LRP12: variants seen among roughly 807,000 people sequenced by gnomAD.
LRP12 encodes low-density lipoprotein receptor-related protein 12.
A neutral mutation model predicts 66.0 loss-of-function variants in LRP12; 14 were observed. That is an observed-to-expected ratio of 0.21 (90% CI 0.14 to 0.33). The LOEUF is 0.33. Among genes scored for constraint, LRP12 ranks in the 10% least tolerant of loss-of-function variants. The probability of loss-of-function intolerance (pLI) is 1.00; values close to 1 mark genes in which losing one functional copy is unlikely to be tolerated. For synonymous variants in LRP12, 357 were observed against 359.1 expected, an observed-to-expected ratio of 0.99 and a Z score of 0.07; for missense variants, 889 against 1,053.4, an observed-to-expected ratio of 0.84 and a Z score of 2.16.
rs530087482 is a variant in LRP12 at position 104,510,841 on chromosome 8, C to T, written c.137-1767G>A. On this transcript the variant is annotated intron_variant, in intron 2 of 6. Coordinates refer to ENST00000276654, the MANE Select transcript of LRP12 (RefSeq NM_013437.5). The stretch of plus-strand genomic sequence containing the variant: ...AAAAGGTAAGACTGTTGTATTATAT[C>T]ATCATAATAAATTAATATTCATACT... Among the ~76,000 whole-genome samples the T allele has an allele frequency of 1.4e-4, 21 of 151,950 alleles. No homozygotes were observed. The South Asian group carries it at 1.7e-3, about 12-fold the overall frequency.
At chr8:104,573,412 A>G (rs1812112489) in intron 1 of LRP12, among the ~76,000 whole-genome samples, 1 of 152,140 alleles carries the variant, frequency 6.6e-6, no homozygotes, top group Non-Finnish European at 1.5e-5. Context: ...TCCTGCCTTC[A>G]GATGTGAGTT....
intron 1 of LRP12, among the ~76,000 whole-genome samples, chr8:104,551,006 T>TA: frequency 6.6e-6 from 1 of 152,146 alleles, no homozygotes; most frequent in Non-Finnish European, 1.5e-5. Flanking sequence ...TTCCATGTGT[T>TA]AAGAGTCTCT....
chr8:104,563,097 G>A (rs1473682471), intron 1 of LRP12, among the ~76,000 whole-genome samples: 1 of 152,106 alleles, frequency 6.6e-6, no homozygotes, highest in Admixed American at 6.5e-5. Flanking sequence ...TGCTATCTTG[G>A]TTCAAATCCT....
intron 1 of LRP12, among the ~76,000 whole-genome samples, chr8:104,569,004 CA>C (rs1395099473): frequency 6.6e-6 from 1 of 152,110 alleles, no homozygotes; most frequent in Non-Finnish European, 1.5e-5. Context: ...ATAATAGTCC[CA>C]AAGTGCAAAT....
At chr8:104,505,195 T>A (rs1433651729) in intron 3 of LRP12, 2 of 151,942 alleles carry the variant, frequency 1.3e-5, no homozygotes, top group Admixed American at 1.3e-4. Context: ...GTTTTTTGTA[T>A]TTTTTGTAAA....
chr8:104,497,391 C>T lies in LRP12; in HGVS notation c.1161G>A (p.Gly387=), dbSNP rs749707470. The change falls in exon 5 of 7, where the codon GGG becomes GGA. Residue 387 remains glycine (G), a synonymous_variant. Coordinates refer to ENST00000276654, the MANE Select transcript of LRP12 (RefSeq NM_013437.5). The surrounding 1 kb of genome is among the most constrained non-coding windows in gnomAD (Gnocchi z 4.3). The part of the protein sequence containing the change: ...PWEIPCGGNW[G]CYTEQQRCDG... ...CACAACGCTGCTGCTCAGTATAACA[C>T]CCCCAGTTACCTCCACAGGGTATTT... is the stretch of plus-strand genomic sequence containing the variant. 2 of 1,613,898 alleles carry T rather than the reference C, an allele frequency of 1.2e-6. No homozygotes were observed. The highest frequency in any genetic ancestry group is 1.7e-6 in the Non-Finnish European group (2 of 1,179,912).
chr8:104,570,749 T>A (rs530796665), intron 1 of LRP12, among the ~76,000 whole-genome samples: 1 of 152,118 alleles, frequency 6.6e-6, no homozygotes, highest in South Asian at 2.1e-4. Context: ...AAAAAACAAC[T>A]CATTAAAAAA....
chr8:104,548,308 AT>A (rs1564142107), intron 1 of LRP12, among the ~76,000 whole-genome samples: 33 of 37,578 alleles, frequency 8.8e-4, no homozygotes, highest in Admixed American at 1.5e-3. Context: ...TATAATATAT[AT>A]TATATAAATA....
intron 1 of LRP12, among the ~76,000 whole-genome samples, chr8:104,552,733 C>T (rs1811747989): frequency 6.6e-6 from 1 of 152,050 alleles, no homozygotes; most frequent in Non-Finnish European, 1.5e-5. Context: ...AAATGGTGCA[C>T]AGGAGGCAGG....
intron 3 of LRP12, 88 bp downstream of exon 3, chr8:104,508,851 T>C: frequency 8.2e-7 from 1 of 1,219,320 alleles, no homozygotes; most frequent in Admixed American, 2.3e-5. Flanking sequence ...GCCTTCTTTT[T>C]ATATTACTGC....
intron 1 of LRP12, among the ~76,000 whole-genome samples, chr8:104,557,469 C>T (rs1811828234): frequency 1.3e-5 from 2 of 151,818 alleles, no homozygotes; most frequent in Non-Finnish European, 2.9e-5. Context: ...ATCAGTAGCA[C>T]CACTATACAC....
At position 104,490,651 on chromosome 8, in the gene LRP12, A is replaced by T. The variant is rs766774156; in HGVS notation, c.*22T>A. The T allele has an allele frequency of 7.7e-6, 12 of 1,566,342 alleles. No individual in the cohort carries two copies. Among genetic ancestry groups the T allele is most frequent in the Non-Finnish European group, 6.0e-6 (7 of 1,158,610 alleles). On this transcript the variant is annotated 3_prime_UTR_variant, in exon 7 of 7. Coordinates refer to ENST00000276654, the MANE Select transcript of LRP12 (RefSeq NM_013437.5). ...TGGATATTGCTCCAACTTGTATACA[A>T]TCTCCCTTATGTGATTCGTACCTAA...
At chr8:104,521,625 A>C (rs930062593) in intron 2 of LRP12, among the ~76,000 whole-genome samples, 7 of 151,492 alleles carry the variant, frequency 4.6e-5, no homozygotes, top group South Asian at 4.1e-4. Context: ...ATATATATAT[A>C]TCAAGAATTT....
rs533562902 is a variant in LRP12 at position 104,588,622 on chromosome 8, G to A, written c.79+197C>T. On this transcript the variant is annotated intron_variant, in intron 1 of 6. Transcript: ENST00000276654. ...GCCCCTCTCCACCACCCGAGGGTCTGGAGGTGGACGAGTGGAGAAAAGCAT... is the reference window on the plus strand; with the variant it reads ...GCCCCTCTCCACCACCCGAGGGTCTAGAGGTGGACGAGTGGAGAAAAGCAT... Among the ~76,000 whole-genome samples, 523 of 152,240 alleles carry A rather than the reference G, an allele frequency of 3.4e-3. 2 individuals are homozygous for A. The highest frequency in any genetic ancestry group is 5.6e-3 in the Non-Finnish European group (381 of 68,006).
intron 1 of LRP12, among the ~76,000 whole-genome samples, chr8:104,584,493 C>G (rs1358856307): frequency 1.3e-5 from 2 of 152,044 alleles, no homozygotes; most frequent in Admixed American, 1.3e-4. Context: ...TAAATCTCAA[C>G]ATTTTCTTTA....
chr8:104,543,434 A>G (rs2140872274), intron 1 of LRP12, among the ~76,000 whole-genome samples: 1 of 152,286 alleles, frequency 6.6e-6, no homozygotes, highest in South Asian at 2.1e-4. Flanking sequence ...CTGTGCCTAT[A>G]AAAGAGGGTA....
intron 3 of LRP12, among the ~76,000 whole-genome samples, chr8:104,500,161 G>A (rs1810803233): frequency 6.6e-6 from 1 of 152,010 alleles, no homozygotes; most frequent in Non-Finnish European, 1.5e-5. Flanking sequence ...ATAAATAAAT[G>A]CACACAGAAA....
chr8:104,541,644 T>C (rs1015035077), intron 1 of LRP12, among the ~76,000 whole-genome samples: 5 of 152,180 alleles, frequency 3.3e-5, no homozygotes, highest in African/African-American at 1.2e-4. Context: ...TTTGTACCTA[T>C]CAGCAGTTAT....
intron 1 of LRP12, among the ~76,000 whole-genome samples, chr8:104,573,641 A>G (rs1220540002): frequency 6.6e-6 from 1 of 152,088 alleles, no homozygotes; most frequent in Non-Finnish European, 1.5e-5. Context: ...CAGTACCTAT[A>G]TAGTTCATAA....
Sources: gnomAD v4.1 joint callset for allele counts (sites outside exome capture counted in the v4.1 genomes callset) on GRCh38, gnomAD v4.1.1 for gene constraint, Gnocchi (gnomAD v3.1) non-coding constraint, MANE v1.5 for transcripts, NCBI Gene and HGNC (gene_info 2026-07-23, HGNC 2026-07-21) for gene names.